The following TRPM4 variants were observed in gnomAD, a reference collection of about 807,000 sequenced individuals.
TRPM4 encodes the protein transient receptor potential cation channel subfamily M member 4.
A neutral mutation model predicts 135.6 loss-of-function variants in TRPM4; 124 were observed. The observed-to-expected ratio is 0.91, with a 90% CI of 0.79 to 1.06. TRPM4 has a LOEUF of 1.06. Ranked by LOEUF, TRPM4 falls within the 50% of genes least tolerant of loss-of-function variation. The pLI is 0.00. For missense variants in TRPM4, 1,658 were observed against 1,671.4 expected, an observed-to-expected ratio of 0.99 and a Z score of 0.14; for synonymous variants, 745 against 705.6, an observed-to-expected ratio of 1.06 and a Z score of -0.88.
In TRPM4 at chr19:49,210,110, C is replaced by A; in HGVS notation, c.3132-99C>A. The A allele has an allele frequency of 8.2e-7, 1 of 1,222,760 alleles. No individual in the cohort carries two copies. Among genetic ancestry groups the A allele is most frequent in the Non-Finnish European group, 1.2e-6 (1 of 823,656 alleles). 75.7% of individuals were successfully genotyped at this position (1,222,760 alleles called of 1,614,324 possible). On this transcript the variant is annotated intron_variant, in intron 20 of 24. Coordinates refer to ENST00000252826, the MANE Select transcript of TRPM4 (RefSeq NM_017636.4). The surrounding 1 kb of genome is among the most constrained non-coding windows in gnomAD (Gnocchi z 4.1). Reference sequence around the variant, plus strand: ...CTTTAGTGATCTTGACTTCTGTCTGCTGCTATAGACTGAACAATTATTGCC... The same window carrying A: ...CTTTAGTGATCTTGACTTCTGTCTGATGCTATAGACTGAACAATTATTGCC...
intron 9 of TRPM4, among the ~76,000 whole-genome samples, chr19:49,174,341 C>A (rs943437827): frequency 7.9e-5 from 12 of 152,026 alleles, no homozygotes; most frequent in African/African-American, 2.9e-4. Flanking sequence ...TTAGTAGAGA[C>A]GGTGTTTCAC....
At chr19:49,164,412 G>A (rs1243530414) in intron 2 of TRPM4, among the ~76,000 whole-genome samples, 3 of 80,390 alleles carry the variant, frequency 3.7e-5, no homozygotes, top group South Asian at 4.2e-4. Flanking sequence ...ATGGAGTTTC[G>A]CTCTTGTCTC....
intron 9 of TRPM4, among the ~76,000 whole-genome samples, chr19:49,173,030 TTCCA>T (rs1213357751): frequency 1.5e-5 from 2 of 129,086 alleles, no homozygotes; most frequent in Non-Finnish European, 3.3e-5. Context: ...TCACTCATTC[TTCCA>T]TCCATCCATC....
At chr19:49,186,089 T>A (rs1300692637) in intron 12 of TRPM4, among the ~76,000 whole-genome samples, 1 of 152,194 alleles carries the variant, frequency 6.6e-6, no homozygotes, top group African/African-American at 2.4e-5. Flanking sequence ...GGAAAGTCTG[T>A]ATTCTTTGCA....
intron 2 of TRPM4, among the ~76,000 whole-genome samples, chr19:49,164,625 A>T (rs925554164): frequency 5.4e-5 from 8 of 148,838 alleles, no homozygotes; most frequent in African/African-American, 2.0e-4. Flanking sequence ...CAGATGATCC[A>T]CCCGCCTCAG....
At chr19:49,164,311 CT>C (rs1204535723) in intron 2 of TRPM4, among the ~76,000 whole-genome samples, 1 of 110,648 alleles carries the variant, frequency 9.0e-6, no homozygotes, top group African/African-American at 3.4e-5. Flanking sequence ...TCCTTCCTTC[CT>C]TTCCTTCCTC....
Position 49,172,127 on chromosome 19 carries a change from A to C in TRPM4, c.1150+19A>C, listed in dbSNP as rs577885832. The C allele has an allele frequency of 6.3e-7, 1 of 1,578,928 alleles. No individual in the cohort carries two copies. Among genetic ancestry groups the C allele is most frequent in the African/African-American group, 1.3e-5 (1 of 74,276 alleles). On this transcript the variant is annotated intron_variant, in intron 9 of 24. Coordinates refer to ENST00000252826, the MANE Select transcript of TRPM4 (RefSeq NM_017636.4). Reference sequence around the variant, plus strand: ...GTGAAGGGTAAAAGTTGTACCCTCCAGTCTTCCCCCTCTCTCAGTTCAACC... The same window carrying C: ...GTGAAGGGTAAAAGTTGTACCCTCCCGTCTTCCCCCTCTCTCAGTTCAACC...
intron 9 of TRPM4, among the ~76,000 whole-genome samples, chr19:49,180,806 A>G (rs1295398228): frequency 6.6e-6 from 1 of 151,390 alleles, no homozygotes. Context: ...CTGTCCATCT[A>G]TCCATCTATC....
rs1225459527 is a variant in TRPM4, at chr19:49,189,104, G to A, written c.2019+13G>A. ...GGATGGGGTACAGGTGAGTATCTGC[G>A]ACACCAACATCCCAAACAGTCTCCA... On this transcript the variant is annotated intron_variant, in intron 14 of 24. Coordinates refer to ENST00000252826, the MANE Select transcript of TRPM4 (RefSeq NM_017636.4). 1.2e-6 allele frequency: 2 copies of A among 1,613,956 alleles called. No homozygotes were observed. The highest frequency in any genetic ancestry group is 2.2e-5 in the East Asian group (1 of 44,872).
chr19:49,191,045 G>A (rs1245356071), intron 16 of TRPM4, among the ~76,000 whole-genome samples: 2 of 152,122 alleles, frequency 1.3e-5, no homozygotes, highest in African/African-American at 2.4e-5. Context: ...CATGGCGAGA[G>A]CAGAAGCAGG....
chr19:49,196,511 G>A lies in TRPM4; in HGVS notation c.2282G>A (p.Gly761Asp). 1.3e-6 allele frequency: 2 copies of A among 1,534,064 alleles called. No individual in the cohort carries two copies. The highest frequency in any genetic ancestry group is 1.2e-5 in the South Asian group (1 of 84,804). The change falls in exon 17 of 25, where the codon GGC (glycine) becomes GAC (aspartate). Residue 761 changes from glycine (G) to aspartate (D), a missense_variant. Around this residue, in one of 3 missense-constraint regions of TRPM4, gnomAD observed 1,412 missense variants for 1,408.7 expected, o/e 1.00. Transcript: ENST00000252826. ...TCGGGCCGTCCGGGTTGCTGCGGGGGCCGCTGCGGGGGGCGCCGGTGCCTA... is the reference window on the plus strand; with the variant it reads ...TCGGGCCGTCCGGGTTGCTGCGGGGACCGCTGCGGGGGGCGCCGGTGCCTA... The part of the protein sequence containing the change: ...RQSGRPGCCG[G>D]RCGGRRCLRR...
intron 12 of TRPM4, among the ~76,000 whole-genome samples, chr19:49,183,445 G>A (rs573477858): frequency 6.6e-6 from 1 of 152,234 alleles, no homozygotes; most frequent in Admixed American, 6.5e-5. Context: ...CGCCCAGGCT[G>A]CAGTGCAGTG....
At position 49,196,489 on chromosome 19, in the gene TRPM4, G is replaced by C. The variant is rs763447325; in HGVS notation, c.2260G>C (p.Gly754Arg). The change falls in exon 17 of 25, where the codon GGC becomes CGC. Residue 754 changes from glycine (G) to arginine (R), a missense_variant. This residue lies in a region of TRPM4 where 1,412 missense variants were observed against 1,408.7 expected (regional missense o/e 1.00). Transcript: ENST00000252826. ...KTPLGVPRQSGRPGCCGGRCG... is the reference protein window; with the variant it reads ...KTPLGVPRQSRRPGCCGGRCG... The stretch of plus-strand genomic sequence containing the variant: ...GCCGCTGGGGGTCCCGCGCCAGTCG[G>C]GCCGTCCGGGTTGCTGCGGGGGCCG... The C allele has an allele frequency of 1.1e-5, 17 of 1,555,238 alleles. No homozygotes were observed. The East Asian group carries it at 3.8e-4, about 35-fold the overall frequency.
In TRPM4 at chr19:49,168,422, A is replaced by G. The variant is rs866558752; in HGVS notation, c.611A>G (p.Lys204Arg). 1.2e-6 allele frequency: 2 copies of G among 1,613,948 alleles called. No homozygotes were observed. The highest frequency in any genetic ancestry group is 2.2e-5 in the East Asian group (1 of 44,880). Residue 204 changes from lysine (K) to arginine (R), a missense_variant and splice_region_variant, in exon 5 of 25, where the codon AAG becomes AGG. Around this residue, in one of 3 missense-constraint regions of TRPM4, gnomAD observed 1,412 missense variants for 1,408.7 expected, o/e 1.00. Coordinates refer to ENST00000252826, the MANE Select transcript of TRPM4 (RefSeq NM_017636.4). ...AATAGAGACACCCTCATCAACCCCA[A>G]GGTGTGACCCAGGGACTTGGAAAAG... ...VRNRDTLINP[K>R]GSFPARYRWR...
At chr19:49,203,236 A>G (rs552508624) in intron 20 of TRPM4, among the ~76,000 whole-genome samples, 55 of 150,028 alleles carry the variant, frequency 3.7e-4, no homozygotes, top group East Asian at 1.0e-3. Flanking sequence ...CTGGAGTGCA[A>G]TGGTGCAATC....
intron 12 of TRPM4, among the ~76,000 whole-genome samples, chr19:49,186,393 C>G (rs1266682467): frequency 1.3e-5 from 2 of 152,214 alleles, no homozygotes; most frequent in Non-Finnish European, 2.9e-5. Context: ...GAGCACGCCT[C>G]TAGCCCTAGT....
chr19:49,189,170 G>C, intron 14 of TRPM4, 79 bp downstream of exon 14: 1 of 1,594,016 alleles, frequency 6.3e-7, no homozygotes, highest in Non-Finnish European at 8.6e-7. Flanking sequence ...CCTGCCATTG[G>C]GAACATCTAT....
Position 49,161,323 on chromosome 19 carries a change from CTTTTTTTTTTTTT to C in TRPM4, c.92+3074_92+3086del, listed in dbSNP as rs67808134. 2.6e-4 allele frequency among the ~76,000 whole-genome samples: 26 copies of C among 101,212 alleles called. 1 individual carries two copies. The highest frequency in any genetic ancestry group is 3.2e-4 in the Non-Finnish European group (17 of 53,380). The allele number at this position is 101,212 out of a possible 152,430, so 66.4% of individuals were successfully genotyped here. A position where few individuals can be genotyped will look rare whatever the true frequency, so the allele number is the denominator to read the frequency against. On this transcript the variant is annotated intron_variant, in intron 2 of 24. Transcript: ENST00000252826. ...AAATATCTGTCTTCTGTCTCTCTCT[CTTTTTTTTTTTTT>C]TTTTTTTTTGAGACAGGGTCTTGCT...
In TRPM4 at chr19:49,166,070, G is replaced by A. The variant is rs1255971986; in HGVS notation, c.122G>A (p.Arg41Gln). Residue 41 changes from arginine to glutamine, a missense_variant, in exon 3 of 25, where the codon CGG becomes CAG. This residue lies in a region of TRPM4 where 239 missense variants were observed against 240.1 expected (regional missense o/e 1.00). Transcript: ENST00000252826. ...ACCTTGTGCCAGTGTGGGCGCCCCC[G>A]GACCGCCCACCCCGCAGTGGCCATG... is the stretch of plus-strand genomic sequence containing the variant. ...GGTLCQCGRP[R>Q]TAHPAVAMED... The A allele has an allele frequency of 1.9e-6, 3 of 1,600,720 alleles. No homozygotes were observed. The highest frequency in any genetic ancestry group is 4.5e-5 in the East Asian group (2 of 44,314).
Sources: gnomAD v4.1 joint callset for allele counts (sites outside exome capture counted in the v4.1 genomes callset) on GRCh38, gnomAD v4.1.1 for gene constraint, gnomAD v4.1.1 regional missense constraint, Gnocchi (gnomAD v3.1) non-coding constraint, MANE v1.5 for transcripts, NCBI Gene and HGNC (gene_info 2026-07-23, HGNC 2026-07-21) for gene names.